The following UHRF1 variants were observed in gnomAD, a reference collection of about 807,000 sequenced individuals.
The protein encoded by UHRF1 is ubiquitin like with PHD and ring finger domains 1.
Under a neutral mutation model 96.5 loss-of-function variants are expected in UHRF1, and 9 were observed. The ratio of observed to expected loss-of-function variants is 0.09; its 90% confidence interval spans 0.06 to 0.16. The LOEUF is 0.16. Among genes scored for constraint, UHRF1 ranks in the 10% least tolerant of loss-of-function variants. The pLI, the probability that UHRF1 is intolerant of heterozygous loss-of-function variation, is 1.00. For missense variants in UHRF1, 626 were observed against 1,131.1 expected (o/e 0.55, Z 6.40); for synonymous variants, 455 against 469.9 (o/e 0.97, Z 0.41).
rs1299945156 is a variant in UHRF1, at chr19:4,954,343, C to T, written c.1819-7C>T. ...CTGACTCACGGCTGTCCCTCTTCCT[C>T]CTGAAGTATCCAGAAGGCTACCTGG... On this transcript the variant is annotated splice_region_variant and splice_polypyrimidine_tract_variant and intron_variant, in intron 13 of 16. Transcript: ENST00000650932. This position sits in a 1 kb window ranked among gnomAD's most constrained non-coding sequence, Gnocchi z 5.9. The T allele has an allele frequency of 1.9e-6, 3 of 1,611,266 alleles. No individual in the cohort carries two copies. Among genetic ancestry groups the T allele is most frequent in the African/African-American group, 2.7e-5 (2 of 74,812 alleles).
chr19:4,955,406 C>T (rs908349854), intron 15 of UHRF1, among the ~76,000 whole-genome samples: 8 of 152,098 alleles, frequency 5.3e-5, no homozygotes, highest in South Asian at 2.1e-4. Flanking sequence ...CTCACTCTCC[C>T]GCCCTCTCTC....
At chr19:4,929,768 A>C (rs1375255448) in intron 3 of UHRF1, among the ~76,000 whole-genome samples, 1 of 152,078 alleles carries the variant, frequency 6.6e-6, no homozygotes, top group African/African-American at 2.4e-5. Context: ...AGATCAGGAA[A>C]TGTCACAGAA....
Position 4,962,129 on chromosome 19 carries a change from CAGAAT to C in UHRF1, c.*1328_*1332del, listed in dbSNP as rs2034001908. The C allele has an allele frequency of 6.6e-6, 1 of 151,630 alleles. No individual in the cohort carries two copies. The highest frequency in any genetic ancestry group is 2.4e-5 in the African/African-American group (1 of 41,374). The allele number at this position is 151,630 out of a possible 1,614,324, so 9.4% of individuals were successfully genotyped here. A position where few individuals can be genotyped will look rare whatever the true frequency, so the allele number is the denominator to read the frequency against. On this transcript the variant is annotated 3_prime_UTR_variant, in exon 17 of 17. Coordinates refer to ENST00000650932, the MANE Select transcript of UHRF1 (RefSeq NM_001048201.3). ...GTACTTTGTCCAGATTTTAGATTCT[CAGAAT>C]AAATGTTTTTCACAGATAGACTTGA...
intron 16 of UHRF1, among the ~76,000 whole-genome samples, chr19:4,959,593 G>A (rs550040616): frequency 6.6e-6 from 1 of 152,326 alleles, no homozygotes; most frequent in South Asian, 2.1e-4. Context: ...TCTTCTCCTG[G>A]CTTTCTTCCC....
chr19:4,941,645 C>A lies in UHRF1; in HGVS notation c.886+17C>A. On this transcript the variant is annotated intron_variant, in intron 6 of 16. Transcript: ENST00000650932. ...CCATGAGACGTGAGTTCTGAGCCAGCCTTTCCCCATCTTCCGCGGTGGGCA... is the reference window on the plus strand; with the variant it reads ...CCATGAGACGTGAGTTCTGAGCCAGACTTTCCCCATCTTCCGCGGTGGGCA... The A allele has an allele frequency of 6.2e-7, 1 of 1,609,762 alleles. No homozygotes were observed. The highest frequency in any genetic ancestry group is 8.5e-7 in the Non-Finnish European group (1 of 1,177,962).
rs1466672466 is a variant in UHRF1, at chr19:4,961,428, G to C, written c.*625G>C. On this transcript the variant is annotated 3_prime_UTR_variant, in exon 17 of 17. Transcript: ENST00000650932. Reference sequence around the variant, plus strand: ...TTAGCGTCTGAGATCCGCGTGAAAAGTCCTCTGCCCACGAGAGCAGGGAGT... The same window carrying C: ...TTAGCGTCTGAGATCCGCGTGAAAACTCCTCTGCCCACGAGAGCAGGGAGT... 1.3e-5 allele frequency: 2 copies of C among 151,762 alleles called. No individual in the cohort carries two copies. Among genetic ancestry groups the C allele is most frequent in the Non-Finnish European group, 2.9e-5 (2 of 68,118 alleles). 9.4% of individuals were successfully genotyped at this position (151,762 alleles called of 1,614,324 possible).
chr19:4,929,170 G>A (rs1218115370), intron 2 of UHRF1, 52 bp from the exon 3 acceptor site: 1 of 1,575,810 alleles, frequency 6.3e-7, no homozygotes, highest in Non-Finnish European at 8.6e-7. Flanking sequence ...GCCCACAGAT[G>A]CCCACTTGGC....
upstream of UHRF1, among the ~76,000 whole-genome samples, chr19:4,908,655 G>A (rs998142996): frequency 1.3e-5 from 2 of 152,168 alleles, no homozygotes; most frequent in African/African-American, 4.8e-5. Context: ...CAGTGAGAGA[G>A]TATCCTCTCT....
At position 4,924,986 on chromosome 19, in the gene UHRF1, C is replaced by G. The variant is rs76698394; in HGVS notation, c.154-4236C>G. ...GGACTACAGGCGCGTGCCACCACGC[C>G]TGGCTAATTTTTGTATTTTTAGTAG... On this transcript the variant is annotated intron_variant, in intron 2 of 16. Coordinates refer to ENST00000650932, the MANE Select transcript of UHRF1 (RefSeq NM_001048201.3). Among the ~76,000 whole-genome samples the G allele has an allele frequency of 5.7e-4, 86 of 152,036 alleles. 4 individuals carry two copies. The East Asian group carries it at 0.016, about 28-fold the overall frequency.
intron 15 of UHRF1, among the ~76,000 whole-genome samples, chr19:4,956,210 C>T (rs540753002): frequency 1.8e-4 from 27 of 152,308 alleles, no homozygotes; most frequent in Admixed American, 9.8e-4. Flanking sequence ...GGATTACAGG[C>T]GTGAGCCACC....
At chr19:4,950,256 T>C (rs956988389) in intron 11 of UHRF1, among the ~76,000 whole-genome samples, 3 of 151,822 alleles carry the variant, frequency 2.0e-5, no homozygotes, top group Middle Eastern at 3.4e-3. Flanking sequence ...ATTTTTTTTT[T>C]TTTTTGAGAC....
chr19:4,951,779 A>C (rs1417055498), intron 13 of UHRF1, among the ~76,000 whole-genome samples: 1 of 151,854 alleles, frequency 6.6e-6, no homozygotes, highest in Non-Finnish European at 1.5e-5. Context: ...GGGGAAGATG[A>C]ATATCCCCGA....
rs533584577 is a variant in UHRF1, at chr19:4,954,225, C to T, written c.1819-125C>T. On this transcript the variant is annotated intron_variant, in intron 13 of 16. Transcript: ENST00000650932. This position sits in a 1 kb window ranked among gnomAD's most constrained non-coding sequence, Gnocchi z 5.9. ...AGATAAGGGAGGACTACCCTGTGCT[C>T]TTCAGGGGGATTGGGGGTCAGGTGT... 4.9e-6 allele frequency: 7 copies of T among 1,428,920 alleles called. No individual in the cohort carries two copies. The East Asian group carries it at 1.5e-4, about 31-fold the overall frequency. The allele number at this position is 1,428,920 out of a possible 1,614,324, so 88.5% of individuals were successfully genotyped here. A position where few individuals can be genotyped will look rare whatever the true frequency, so the allele number is the denominator to read the frequency against.
chr19:4,943,993 C>T (rs777788073), intron 7 of UHRF1, 139 bp from the exon 8 acceptor site: 166 of 1,324,004 alleles, frequency 1.3e-4, no homozygotes, highest in Non-Finnish European at 1.6e-4. Context: ...GTGTGCCAAG[C>T]GGCCTGCAAT....
Position 4,954,870 on chromosome 19 carries a change from TA to T in UHRF1, c.2130+52del. On this transcript the variant is annotated intron_variant, in intron 15 of 16. Coordinates refer to ENST00000650932, the MANE Select transcript of UHRF1 (RefSeq NM_001048201.3). This position sits in a 1 kb window ranked among gnomAD's most constrained non-coding sequence, Gnocchi z 5.9. ...TCGCCCTGATTTGCGTTGACTGCGGTAAAATGTGTGGGGCTTGTTTCCCATG... is the reference window on the plus strand; with the variant it reads ...TCGCCCTGATTTGCGTTGACTGCGGTAAATGTGTGGGGCTTGTTTCCCATG... 1.2e-6 allele frequency: 2 copies of T among 1,601,962 alleles called. No homozygotes were observed. The highest frequency in any genetic ancestry group is 8.5e-7 in the Non-Finnish European group (1 of 1,172,714).
intron 2 of UHRF1, among the ~76,000 whole-genome samples, chr19:4,914,018 T>G (rs549649305): frequency 6.6e-6 from 1 of 152,142 alleles, no homozygotes; most frequent in Non-Finnish European, 1.5e-5. Flanking sequence ...TTTCTCCATG[T>G]TGGTCAGGCT....
At chr19:4,925,286 C>G (rs1057310254) in intron 2 of UHRF1, among the ~76,000 whole-genome samples, 1 of 152,168 alleles carries the variant, frequency 6.6e-6, no homozygotes, top group African/African-American at 2.4e-5. Flanking sequence ...CCAGCTACTG[C>G]TTCCTTTTTC....
chr19:4,934,842 CT>C (rs1275311723), intron 5 of UHRF1, among the ~76,000 whole-genome samples: 2 of 151,342 alleles, frequency 1.3e-5, no homozygotes, highest in East Asian at 3.9e-4. Context: ...CTCACTGAGT[CT>C]GGGCCTTAAG....
chr19:4,960,693 A>G lies in UHRF1; in HGVS notation c.2272A>G (p.Ser758Gly), dbSNP rs781122374. 2.7e-5 allele frequency: 44 copies of G among 1,606,762 alleles called. No individual in the cohort carries two copies. Among genetic ancestry groups the G allele is most frequent in the Non-Finnish European group, 3.7e-5 (43 of 1,177,142 alleles). The change falls in exon 17 of 17, where the codon AGC becomes GGC. Residue 758 changes from serine to glycine, a missense_variant. By Grantham distance (56) the Ser-to-Gly change is moderately conservative. Coordinates refer to ENST00000650932, the MANE Select transcript of UHRF1 (RefSeq NM_001048201.3). ...LDRSFRAQVF[S>G]CPACRYDLGR... ...CAGATCCTTTCGGGCACAGGTGTTC[A>G]GCTGCCCTGCCTGCCGCTACGACCT...
Sources: allele counts gnomAD v4.1 joint callset (sites outside exome capture counted in the v4.1 genomes callset), GRCh38; gene constraint gnomAD v4.1.1; non-coding constraint Gnocchi (gnomAD v3.1); transcripts MANE v1.5; gene names NCBI Gene and HGNC (gene_info 2026-07-23, HGNC 2026-07-21).